COL5A2: variants seen among roughly 807,000 people sequenced by gnomAD.
COL5A2 encodes the protein collagen type V alpha 2 chain.
A neutral mutation model predicts 208.2 loss-of-function variants in COL5A2; 23 were observed. That is an observed-to-expected ratio of 0.11 (90% CI 0.08 to 0.16). COL5A2 has a LOEUF of 0.16. Among genes scored for constraint, COL5A2 ranks in the 10% least tolerant of loss-of-function variants. The pLI, the probability that COL5A2 is intolerant of heterozygous loss-of-function variation, is 1.00. For synonymous variants in COL5A2, 625 were observed against 628.5 expected (o/e 0.99, Z 0.08); for missense variants, 1,590 against 1,956.4 (o/e 0.81, Z 3.53).
intron 1 of COL5A2, among the ~76,000 whole-genome samples, chr2:189,130,443 CTCA>C (rs1366204884): frequency 6.6e-6 from 1 of 152,020 alleles, no homozygotes; most frequent in Admixed American, 6.6e-5. Context: ...TGTAAAGACA[CTCA>C]TCATATTTAT....
chr2:189,122,867 G>A (rs1218568536), intron 1 of COL5A2, among the ~76,000 whole-genome samples: 1 of 152,182 alleles, frequency 6.6e-6, no homozygotes, highest in Non-Finnish European at 1.5e-5. Context: ...TGTTATACTG[G>A]AGTTAGGAGA....
the COL5A2 span, among the ~76,000 whole-genome samples, chr2:189,397,673 A>G: frequency 4.6e-5 from 7 of 151,946 alleles, no homozygotes; most frequent in Non-Finnish European, 8.8e-5. Context: ...TTTTCATTTC[A>G]ATATTAAACA....
the COL5A2 span, among the ~76,000 whole-genome samples, chr2:189,381,756 A>G: frequency 6.6e-6 from 1 of 152,114 alleles, no homozygotes; most frequent in Non-Finnish European, 1.5e-5. Flanking sequence ...GTGAAATAAA[A>G]TTGTATTTCT....
the COL5A2 span, among the ~76,000 whole-genome samples, chr2:189,404,116 CAT>C: frequency 5.3e-5 from 8 of 152,168 alleles, no homozygotes; most frequent in African/African-American, 9.7e-5. Context: ...AACATGATCA[CAT>C]GAGTGATATG....
At chr2:189,358,996 A>G in the COL5A2 span, among the ~76,000 whole-genome samples, 1 of 152,142 alleles carries the variant, frequency 6.6e-6, no homozygotes, top group South Asian at 2.1e-4. Context: ...TTTCCTATAT[A>G]TAAGATCAAG....
the COL5A2 span, among the ~76,000 whole-genome samples, chr2:189,330,100 G>A: frequency 6.6e-6 from 1 of 152,130 alleles, no homozygotes. Flanking sequence ...AAAAGAACAA[G>A]TCAGCTACAC....
chr2:189,349,786 AAGT>A, the COL5A2 span, among the ~76,000 whole-genome samples: 1 of 152,166 alleles, frequency 6.6e-6, no homozygotes, highest in African/African-American at 2.4e-5. Context: ...AAGTTTTTAA[AAGT>A]AGCATCACAA....
At chr2:189,232,500 A>G in the COL5A2 span, among the ~76,000 whole-genome samples, 1 of 151,696 alleles carries the variant, frequency 6.6e-6, no homozygotes, top group Non-Finnish European at 1.5e-5. Context: ...ACAATAGGCC[A>G]GGCAATGAGC....
chr2:189,083,490 A>C (rs970789174), intron 12 of COL5A2, among the ~76,000 whole-genome samples: 1 of 152,138 alleles, frequency 6.6e-6, no homozygotes. Context: ...GGGAGCAGCC[A>C]AAGAAGCATC....
the COL5A2 span, among the ~76,000 whole-genome samples, chr2:189,381,787 G>A: frequency 4.5e-4 from 68 of 152,096 alleles, 1 homozygote; most frequent in African/African-American, 1.5e-3. Context: ...AAAGCTGTAA[G>A]CTGACATCTC....
At chr2:189,048,167 T>A (rs1685709113) in intron 45 of COL5A2, 42 bp downstream of exon 45, 3 of 1,577,684 alleles carry the variant, frequency 1.9e-6, no homozygotes, top group African/African-American at 2.7e-5. Flanking sequence ...GATTTCAGAT[T>A]TGCATGACTT....
the COL5A2 span, among the ~76,000 whole-genome samples, chr2:189,420,578 T>A: frequency 2.0e-5 from 3 of 152,004 alleles, no homozygotes; most frequent in Non-Finnish European, 4.4e-5. Context: ...TATATATGTA[T>A]AAATTAGATA....
At chr2:189,070,367 T>C (rs1686245474) in intron 18 of COL5A2, among the ~76,000 whole-genome samples, 1 of 152,146 alleles carries the variant, frequency 6.6e-6, no homozygotes, top group Admixed American at 6.6e-5. Flanking sequence ...GATTTGGAAA[T>C]TTATTCTTTA....
the COL5A2 span, among the ~76,000 whole-genome samples, chr2:189,417,825 T>C: frequency 2.6e-5 from 4 of 151,766 alleles, no homozygotes; most frequent in East Asian, 5.8e-4. Context: ...TATATATATA[T>C]ACACATACAT....
At chr2:189,245,484 T>A in the COL5A2 span, among the ~76,000 whole-genome samples, 3 of 8,596 alleles carry the variant, frequency 3.5e-4, no homozygotes, top group East Asian at 0.056. Flanking sequence ...TACTCAAAAT[T>A]TTTTTTTTTT....
intron 1 of COL5A2, among the ~76,000 whole-genome samples, chr2:189,156,447 T>C (rs1688249201): frequency 1.3e-5 from 2 of 152,206 alleles, no homozygotes. Flanking sequence ...ATAAAATCAT[T>C]CTTTTTAATA....
At chr2:189,365,771 A>G in the COL5A2 span, among the ~76,000 whole-genome samples, 1 of 152,202 alleles carries the variant, frequency 6.6e-6, no homozygotes, top group African/African-American at 2.4e-5. Flanking sequence ...TGTCTACATT[A>G]TTTAGGATAT....
At chr2:189,073,746 T>C (rs1034652596) in intron 17 of COL5A2, among the ~76,000 whole-genome samples, 5 of 152,182 alleles carry the variant, frequency 3.3e-5, no homozygotes, top group African/African-American at 1.2e-4. Flanking sequence ...TAAAGTCACA[T>C]AATTTGATGG....
chr2:189,131,069 G>C (rs767393203), intron 1 of COL5A2, among the ~76,000 whole-genome samples: 10 of 152,124 alleles, frequency 6.6e-5, no homozygotes, highest in Non-Finnish European at 1.5e-4. Context: ...CAGGAGAAAA[G>C]TGAATTGAGA....
Sources: allele counts gnomAD v4.1 joint callset (sites outside exome capture counted in the v4.1 genomes callset), GRCh38; gene constraint gnomAD v4.1.1; transcripts MANE v1.5; gene names NCBI Gene and HGNC (gene_info 2026-07-23, HGNC 2026-07-21).